Variants in CNKSR3 observed in about 807,000 individuals in gnomAD.
CNKSR3 encodes CNKSR family member 3.
CNKSR3 carries 36 observed loss-of-function variants against 67.7 expected under a neutral mutation model. The ratio of observed to expected loss-of-function variants is 0.53; its 90% confidence interval spans 0.41 to 0.70. The LOEUF is 0.70. Ranked by LOEUF, CNKSR3 falls within the 30% of genes least tolerant of loss-of-function variation. The probability of loss-of-function intolerance (pLI) is 0.00; values close to 1 mark genes in which losing one functional copy is unlikely to be tolerated. For missense variants in CNKSR3, 630 were observed against 695.2 expected, an observed-to-expected ratio of 0.91 and a Z score of 1.05; for synonymous variants, 281 against 271.4, an observed-to-expected ratio of 1.04 and a Z score of -0.35.
At chr6:154,479,074 GTAGT>G (rs67088467) in intron 1 of CNKSR3, among the ~76,000 whole-genome samples, 35,517 of 151,708 alleles carry the variant, frequency 0.23, 4,439 homozygotes, top group East Asian at 0.37. Context: ...TTGTTTTTCT[GTAGT>G]TAAACTCTGA....
rs1330911594 is a variant in CNKSR3 at position 154,402,459 on chromosome 6, G to A, written c.*3895C>T. Reference sequence around the variant, plus strand: ...AATGCAATGAGAGAATTCTATAAATGGAAGGAAGCCTATATACTGAGTGAT... The same window carrying A: ...AATGCAATGAGAGAATTCTATAAATAGAAGGAAGCCTATATACTGAGTGAT... On this transcript the variant is annotated 3_prime_UTR_variant, in exon 13 of 13. Transcript: ENST00000607772. 1 of 152,212 alleles carries A rather than the reference G, an allele frequency of 6.6e-6. No individual in the cohort carries two copies. Among genetic ancestry groups the A allele is most frequent in the East Asian group, 1.9e-4 (1 of 5,204 alleles). The allele number at this position is 152,212 out of a possible 1,614,324, so 9.4% of individuals were successfully genotyped here. A position where few individuals can be genotyped will look rare whatever the true frequency, so the allele number is the denominator to read the frequency against.
intron 5 of CNKSR3, among the ~76,000 whole-genome samples, chr6:154,431,079 C>T (rs1383858262): frequency 6.6e-6 from 1 of 152,004 alleles, no homozygotes; most frequent in Non-Finnish European, 1.5e-5. Context: ...TATATCCCCT[C>T]CACCACCAGC....
intron 1 of CNKSR3, among the ~76,000 whole-genome samples, chr6:154,506,577 T>C (rs1043845669): frequency 1.3e-5 from 2 of 152,218 alleles, no homozygotes; most frequent in South Asian, 2.1e-4. Flanking sequence ...GCCGCCACCT[T>C]GCACTGAAGC....
At chr6:154,455,980 G>C (rs940524966) in intron 1 of CNKSR3, among the ~76,000 whole-genome samples, 1 of 151,540 alleles carries the variant, frequency 6.6e-6, no homozygotes, top group African/African-American at 2.4e-5. Context: ...TAAGAAGTTA[G>C]AGTAAATGCC....
At chr6:154,442,547 G>A (rs963573700) in intron 2 of CNKSR3, among the ~76,000 whole-genome samples, 5 of 152,072 alleles carry the variant, frequency 3.3e-5, no homozygotes, top group South Asian at 2.1e-4. Context: ...GCGTGAACCC[G>A]GGAGGCAGAG....
At chr6:154,419,851 G>A (rs1249283793) in intron 9 of CNKSR3, among the ~76,000 whole-genome samples, 1 of 152,108 alleles carries the variant, frequency 6.6e-6, no homozygotes, top group Non-Finnish European at 1.5e-5. Flanking sequence ...AGGCTGAGGC[G>A]GGCGGAACAC....
chr6:154,477,084 T>C (rs1786467230), intron 1 of CNKSR3, among the ~76,000 whole-genome samples: 1 of 152,188 alleles, frequency 6.6e-6, no homozygotes. Flanking sequence ...GGCTGTGAGG[T>C]CAGGATGTCC....
At chr6:154,411,210 G>T in intron 10 of CNKSR3, 68 bp from the exon 11 acceptor site, 2 of 1,079,804 alleles carry the variant, frequency 1.9e-6, no homozygotes, top group Non-Finnish European at 2.8e-6. Flanking sequence ...AATTCCAGCA[G>T]TGCTGCTACC....
At chr6:154,425,610 C>G (rs570707885) in intron 7 of CNKSR3, among the ~76,000 whole-genome samples, 7 of 152,280 alleles carry the variant, frequency 4.6e-5, no homozygotes, top group African/African-American at 1.7e-4. Context: ...ATGGATGAGG[C>G]TGTGTCAAGA....
chr6:154,510,056 C>T lies in CNKSR3; in HGVS notation c.52+7G>A. On this transcript the variant is annotated splice_region_variant and intron_variant, in intron 1 of 12. Coordinates refer to ENST00000607772, the MANE Select transcript of CNKSR3 (RefSeq NM_173515.4). Reference sequence around the variant, plus strand: ...GAGGACTCCGGACCCCCCCAAGGCCCGCGCACCTCTAGTCCAGTCCACCAC... The same window carrying T: ...GAGGACTCCGGACCCCCCCAAGGCCTGCGCACCTCTAGTCCAGTCCACCAC... The T allele has an allele frequency of 1.2e-6, 2 of 1,614,040 alleles. No individual in the cohort carries two copies. Among genetic ancestry groups the T allele is most frequent in the African/African-American group, 1.3e-5 (1 of 75,048 alleles).
intron 7 of CNKSR3, among the ~76,000 whole-genome samples, chr6:154,425,786 A>G (rs2128714471): frequency 1.5e-5 from 1 of 64,884 alleles, no homozygotes; most frequent in Admixed American, 1.4e-4. Flanking sequence ...ATATGGACAT[A>G]ATTCACTTGT....
rs746767370 is a variant in CNKSR3, at chr6:154,406,411, G to A, written c.1611C>T (p.Ser537=). The A allele has an allele frequency of 3.1e-6, 5 of 1,614,188 alleles. No individual in the cohort carries two copies. Among genetic ancestry groups the A allele is most frequent in the Non-Finnish European group, 4.2e-6 (5 of 1,180,050 alleles). Residue 537 remains serine (S), a synonymous_variant, in exon 13 of 13, where the codon TCC becomes TCT. Transcript: ENST00000607772. ...KSGSSATKSS[S]TEPSLLVSWF... is the part of the protein sequence containing the mutation. ...AGCTGACCAGGAGGGACGGTTCTGT[G>A]GACGAGGACTTCGTAGCTGAGGAGC...
In CNKSR3 at chr6:154,510,197, G is replaced by A. The variant is rs1203332489; in HGVS notation, c.-83C>T. 3.2e-6 allele frequency: 5 copies of A among 1,547,566 alleles called. No individual in the cohort carries two copies. The highest frequency in any genetic ancestry group is 4.4e-6 in the Non-Finnish European group (5 of 1,124,134). On this transcript the variant is annotated 5_prime_UTR_variant, in exon 1 of 13. Coordinates refer to ENST00000607772, the MANE Select transcript of CNKSR3 (RefSeq NM_173515.4). ...GCGCTCCGGTGCCCCTTCCCGGGAG[G>A]GCGCGCCCGCGGCTGCTCCCCTGCG...
At chr6:154,495,787 G>T (rs1162249441) in intron 1 of CNKSR3, among the ~76,000 whole-genome samples, 1 of 152,054 alleles carries the variant, frequency 6.6e-6, no homozygotes, top group Admixed American at 6.5e-5. Flanking sequence ...AGGGCGCAGA[G>T]TACTCCTGTG....
intron 9 of CNKSR3, among the ~76,000 whole-genome samples, chr6:154,419,044 T>TTC (rs1186484876): frequency 2.7e-5 from 4 of 148,746 alleles, no homozygotes; most frequent in African/African-American, 9.8e-5. Flanking sequence ...TTTTTTTTTT[T>TTC]TTTTTCTTTT....
chr6:154,479,701 G>C (rs1399840476), intron 1 of CNKSR3, among the ~76,000 whole-genome samples: 1 of 152,172 alleles, frequency 6.6e-6, no homozygotes, highest in Non-Finnish European at 1.5e-5. Flanking sequence ...ATTGGGAAAT[G>C]TTTGTGCTTA....
At chr6:154,425,889 T>C (rs1009926103) in intron 7 of CNKSR3, among the ~76,000 whole-genome samples, 7 of 152,228 alleles carry the variant, frequency 4.6e-5, no homozygotes, top group African/African-American at 1.7e-4. Context: ...CAACCTTAAG[T>C]GATAGCCAAA....
At chr6:154,456,256 C>T (rs147027844) in intron 1 of CNKSR3, among the ~76,000 whole-genome samples, 3 of 152,152 alleles carry the variant, frequency 2.0e-5, no homozygotes, top group South Asian at 2.1e-4. Flanking sequence ...ATTGAGTACT[C>T]TCACCTGAGT....
rs547426095 is a variant in CNKSR3 at position 154,435,072 on chromosome 6, G to A, written c.508-1565C>T. ...TGCAATGGTGCAATCTCAGCTCACC[G>A]GCAGCCTTGACCTCCTGGGCTCAAG... On this transcript the variant is annotated intron_variant, in intron 4 of 12. Coordinates refer to ENST00000607772, the MANE Select transcript of CNKSR3 (RefSeq NM_173515.4). 6.2e-4 allele frequency among the ~76,000 whole-genome samples: 92 copies of A among 148,454 alleles called. 1 individual carries two copies. The highest frequency in any genetic ancestry group is 9.5e-4 in the Non-Finnish European group (64 of 67,474).
Sources: gnomAD v4.1 joint callset for allele counts (sites outside exome capture counted in the v4.1 genomes callset) on GRCh38, gnomAD v4.1.1 for gene constraint, MANE v1.5 for transcripts, NCBI Gene and HGNC (gene_info 2026-07-23, HGNC 2026-07-21) for gene names.